Variants in PDE4D observed in about 807,000 individuals in gnomAD.
PDE4D encodes the protein phosphodiesterase 4D, also known as 3',5'-cyclic-AMP phosphodiesterase 4D.
Under a neutral mutation model 87.4 loss-of-function variants are expected in PDE4D, and 24 were observed. The observed-to-expected ratio is 0.27, with a 90% CI of 0.20 to 0.39. PDE4D has a LOEUF of 0.39. PDE4D is among the 10% of genes least tolerant of loss of function. The pLI is 1.00. For synonymous variants in PDE4D, 384 were observed against 383.2 expected (o/e 1.00, Z -0.02); for missense variants, 714 against 1,041.0 (o/e 0.69, Z 4.32).
intron 3 of PDE4D, among the ~76,000 whole-genome samples, chr5:59,916,716 A>G (rs1407058413): frequency 6.6e-6 from 1 of 152,196 alleles, no homozygotes; most frequent in Non-Finnish European, 1.5e-5. Context: ...AACATTTAGT[A>G]AATACTTTTA....
rs6894619 is a variant in PDE4D at position 59,065,067 on chromosome 5, T to C, written c.809-26096A>G. Among the ~76,000 whole-genome samples the C allele has an allele frequency of 5.6e-4, 50 of 89,316 alleles. 1 individual carries two copies. The highest frequency in any genetic ancestry group is 1.9e-3 in the East Asian group (4 of 2,078). The allele number at this position is 89,316 out of a possible 152,430, so 58.6% of individuals were successfully genotyped here. A position where few individuals can be genotyped will look rare whatever the true frequency, so the allele number is the denominator to read the frequency against. ...GGACAAAGGAAATGTGATATATATATACACACACACACACACACACACACA... is the reference window on the plus strand; with the variant it reads ...GGACAAAGGAAATGTGATATATATACACACACACACACACACACACACACA... On this transcript the variant is annotated intron_variant, in intron 5 of 14. Coordinates refer to ENST00000340635, the MANE Select transcript of PDE4D (RefSeq NM_001104631.2).
intron 1 of PDE4D, chr5:60,185,803 CGGTG>C: frequency 2.4e-6 from 1 of 418,358 alleles, no homozygotes; most frequent in Non-Finnish European, 4.4e-6. Flanking sequence ...CAGGCTAAAA[CGGTG>C]CTGTGTTTAA....
In PDE4D at chr5:59,395,695, G is replaced by A. The variant is rs561561127; in HGVS notation, c.456-179727C>T. 1.6e-4 allele frequency among the ~76,000 whole-genome samples: 22 copies of A among 136,680 alleles called. 1 individual carries two copies. The highest frequency in any genetic ancestry group is 2.8e-4 in the Non-Finnish European group (18 of 63,166). 89.7% of individuals were successfully genotyped at this position (136,680 alleles called of 152,430 possible). A position where few individuals can be genotyped will look rare whatever the true frequency, so the allele number is the denominator to read the frequency against. On this transcript the variant is annotated intron_variant, in intron 1 of 14. Transcript: ENST00000340635. ...AGCGCCTCTCCTCCTCTAAAGGAACGCAGCTCCTCACCAGCAACAGAACAA... is the reference window on the plus strand; with the variant it reads ...AGCGCCTCTCCTCCTCTAAAGGAACACAGCTCCTCACCAGCAACAGAACAA...
intron 1 of PDE4D, among the ~76,000 whole-genome samples, chr5:59,752,197 T>C (rs1218750256): frequency 6.6e-6 from 1 of 151,896 alleles, no homozygotes. Context: ...GTAGACAGAG[T>C]ATGTGAGTCA....
At chr5:59,898,502 AGTGGCATCTAATCT>A (rs1294698881), upstream of PDE4D, among the ~76,000 whole-genome samples, 1 of 152,192 alleles carries the variant, frequency 6.6e-6, no homozygotes, top group Non-Finnish European at 1.5e-5. Context: ...CCAAAGGGAG[AGTGGCATCTAATCT>A]GAGGCCAAGA....
intron 5 of PDE4D, among the ~76,000 whole-genome samples, chr5:59,043,677 G>C (rs1048785865): frequency 6.6e-6 from 1 of 151,992 alleles, no homozygotes; most frequent in Non-Finnish European, 1.5e-5. Context: ...TTTACATTAG[G>C]TATATCTCCT....
At chr5:59,528,309 A>G (rs1229754223) in intron 1 of PDE4D, among the ~76,000 whole-genome samples, 1 of 152,188 alleles carries the variant, frequency 6.6e-6, no homozygotes, top group East Asian at 1.9e-4. Flanking sequence ...CTATTACATC[A>G]AGCTGGGAAG....
chr5:59,113,545 C>A (rs1046111959), intron 5 of PDE4D, among the ~76,000 whole-genome samples: 1 of 152,162 alleles, frequency 6.6e-6, no homozygotes, highest in Non-Finnish European at 1.5e-5. Flanking sequence ...TCTCTAGACA[C>A]TATCTATCAA....
intron 1 of PDE4D, among the ~76,000 whole-genome samples, chr5:60,232,065 CAACT>C (rs1241744158): frequency 6.6e-6 from 1 of 151,860 alleles, no homozygotes; most frequent in Non-Finnish European, 1.5e-5. Flanking sequence ...GATCTACAAC[CAACT>C]GTTTGTAACT....
chr5:59,123,216 C>T (rs1236233071), intron 5 of PDE4D, among the ~76,000 whole-genome samples: 2 of 152,150 alleles, frequency 1.3e-5, no homozygotes, highest in Non-Finnish European at 2.9e-5. Flanking sequence ...TTATTTAGCC[C>T]TGCCTCTATG....
intron 1 of PDE4D, among the ~76,000 whole-genome samples, chr5:59,421,104 C>T (rs551326682): frequency 1.3e-5 from 2 of 152,236 alleles, no homozygotes; most frequent in African/African-American, 4.8e-5. Context: ...ATTTTGTGAG[C>T]TGGTTTATTG....
intron 1 of PDE4D, among the ~76,000 whole-genome samples, chr5:59,507,499 A>C (rs1319465503): frequency 6.6e-6 from 1 of 151,618 alleles, no homozygotes; most frequent in Non-Finnish European, 1.5e-5. Context: ...CAGTCTATAC[A>C]AAAAAATAAA....
chr5:59,977,756 G>C (rs1761489507), intron 3 of PDE4D, among the ~76,000 whole-genome samples: 1 of 152,166 alleles, frequency 6.6e-6, no homozygotes, highest in African/African-American at 2.4e-5. Context: ...TAGCTAGAGA[G>C]GAAAAGTCAA....
chr5:59,805,900 C>A (rs973977760), intron 1 of PDE4D, among the ~76,000 whole-genome samples: 7 of 151,938 alleles, frequency 4.6e-5, no homozygotes, highest in African/African-American at 1.7e-4. Context: ...ACTTTTGCCA[C>A]CTCCCCGTCT....
chr5:60,183,716 C>A (rs1784556472), intron 2 of PDE4D, among the ~76,000 whole-genome samples: 1 of 152,130 alleles, frequency 6.6e-6, no homozygotes. Context: ...AGAACTAATT[C>A]TTTAAACTTT....
intron 1 of PDE4D, among the ~76,000 whole-genome samples, chr5:60,379,836 C>T (rs536690499): frequency 4.7e-4 from 72 of 152,270 alleles, no homozygotes; most frequent in Non-Finnish European, 5.0e-4. Flanking sequence ...CTTGGCCTGA[C>T]GTCTCACTGT....
chr5:59,003,350 C>T (rs1391648), intron 6 of PDE4D, among the ~76,000 whole-genome samples: 15,369 of 152,258 alleles, frequency 0.1, 1,038 homozygotes, highest in Non-Finnish European at 0.13. Context: ...TACTCCTCCA[C>T]CTTCACCATA....
intron 1 of PDE4D, among the ~76,000 whole-genome samples, chr5:60,423,347 T>C (rs1405125400): frequency 6.6e-6 from 1 of 152,186 alleles, no homozygotes; most frequent in Non-Finnish European, 1.5e-5. Context: ...AAACTGTCTC[T>C]CAGACCACAA....
chr5:60,487,310 A>C (rs925839221), intron 1 of PDE4D, among the ~76,000 whole-genome samples: 1 of 152,212 alleles, frequency 6.6e-6, no homozygotes, highest in African/African-American at 2.4e-5. Flanking sequence ...ACTTTTTATA[A>C]GGCTTTTTTA....
Sources: allele counts gnomAD v4.1 joint callset (sites outside exome capture counted in the v4.1 genomes callset), GRCh38; gene constraint gnomAD v4.1.1; transcripts MANE v1.5; gene names NCBI Gene and HGNC (gene_info 2026-07-23, HGNC 2026-07-21).